WDR7: variants seen among roughly 807,000 people sequenced by gnomAD.
The protein encoded by WDR7 is WD repeat-containing protein 7.
In WDR7, 46 loss-of-function variants were observed where a neutral mutation model predicts 169.4. The observed-to-expected ratio is 0.27, with a 90% CI of 0.21 to 0.35. WDR7 has a LOEUF of 0.35. Among genes scored for constraint, WDR7 ranks in the 10% least tolerant of loss-of-function variants. The probability of loss-of-function intolerance (pLI) is 1.00; values close to 1 mark genes in which losing one functional copy is unlikely to be tolerated. For missense variants in WDR7, 1,534 were observed against 1,859.3 expected (o/e 0.83, Z 3.22); for synonymous variants, 612 against 666.8 (o/e 0.92, Z 1.27).
At chr18:56,764,552 C>A (rs952256263) in intron 16 of WDR7, among the ~76,000 whole-genome samples, 3 of 152,048 alleles carry the variant, frequency 2.0e-5, no homozygotes, top group Non-Finnish European at 4.4e-5. Context: ...GTGTTGAGAA[C>A]ACTTAAAATT....
At chr18:56,718,332 T>C (rs2026240229) in intron 13 of WDR7, among the ~76,000 whole-genome samples, 173 bp downstream of exon 13, 2 of 152,220 alleles carry the variant, frequency 1.3e-5, no homozygotes, top group African/African-American at 2.4e-5. Context: ...CAAATGTTTG[T>C]AGAATATTTC....
chr18:56,776,183 T>TAA (rs369267320), intron 16 of WDR7, among the ~76,000 whole-genome samples: 8 of 144,722 alleles, frequency 5.5e-5, no homozygotes, highest in African/African-American at 2.0e-4. Context: ...GTGAAATAAT[T>TAA]AAAAAAAAAA....
intron 13 of WDR7, among the ~76,000 whole-genome samples, chr18:56,726,046 T>G (rs2026444799): frequency 6.6e-6 from 1 of 152,236 alleles, no homozygotes; most frequent in Non-Finnish European, 1.5e-5. Flanking sequence ...CATGCTGTTT[T>G]GGTTACTGTA....
intron 21 of WDR7, among the ~76,000 whole-genome samples, chr18:56,886,320 C>G (rs1307960079): frequency 6.6e-6 from 1 of 152,172 alleles, no homozygotes; most frequent in Non-Finnish European, 1.5e-5. Context: ...TGAGGCCCTA[C>G]CTTTAGCTTC....
At chr18:56,795,006 C>T (rs2044559277) in intron 19 of WDR7, among the ~76,000 whole-genome samples, 1 of 152,162 alleles carries the variant, frequency 6.6e-6, no homozygotes, top group Non-Finnish European at 1.5e-5. Flanking sequence ...GAATACTTCT[C>T]TAAGGAGAAT....
At chr18:56,691,394 C>A (rs2025567004) in intron 8 of WDR7, 33 bp downstream of exon 8, 2 of 1,542,322 alleles carry the variant, frequency 1.3e-6, no homozygotes, top group African/African-American at 1.4e-5. Flanking sequence ...GGACAGTCAT[C>A]AAAAGTAAAA....
At chr18:56,974,176 A>G (rs2047531496) in intron 26 of WDR7, among the ~76,000 whole-genome samples, 1 of 151,996 alleles carries the variant, frequency 6.6e-6, no homozygotes, top group South Asian at 2.1e-4. Context: ...GTTATCTCAC[A>G]CCTAATTTCA....
chr18:56,900,099 TATATATATATAA>T (rs2046382779), intron 21 of WDR7, among the ~76,000 whole-genome samples: 2 of 148,156 alleles, frequency 1.3e-5, no homozygotes, highest in East Asian at 3.9e-4. Flanking sequence ...TATATATATA[TATATATATATAA>T]AATTGTTAAT....
At chr18:56,914,928 T>G (rs4300736) in intron 21 of WDR7, among the ~76,000 whole-genome samples, 18 of 152,336 alleles carry the variant, frequency 1.2e-4, no homozygotes, top group African/African-American at 4.1e-4. Flanking sequence ...GAAAAAAATG[T>G]GCTTTAAATC....
chr18:56,695,639 G>A (rs1176840893), intron 11 of WDR7, among the ~76,000 whole-genome samples: 2 of 151,296 alleles, frequency 1.3e-5, no homozygotes, highest in East Asian at 3.9e-4. Flanking sequence ...CTGAGTTCAA[G>A]CAGTTCTCCT....
chr18:57,015,482 T>A (rs2145925811), intron 26 of WDR7, among the ~76,000 whole-genome samples: 1 of 152,360 alleles, frequency 6.6e-6, no homozygotes, highest in Middle Eastern at 3.4e-3. Context: ...TCTTAACTTT[T>A]AAACTCTTTT....
intron 12 of WDR7, among the ~76,000 whole-genome samples, chr18:56,716,186 T>C (rs1401934761): frequency 6.6e-6 from 1 of 152,186 alleles, no homozygotes; most frequent in African/African-American, 2.4e-5. Flanking sequence ...CCCCTCAGTA[T>C]TTAATGTCTT....
At chr18:56,752,054 C>G (rs967261674) in intron 14 of WDR7, among the ~76,000 whole-genome samples, 2 of 152,060 alleles carry the variant, frequency 1.3e-5, no homozygotes, top group African/African-American at 4.8e-5. Context: ...CTCATTAAAG[C>G]CTTTAGACAA....
intron 26 of WDR7, among the ~76,000 whole-genome samples, chr18:57,014,890 G>A (rs1001446713): frequency 6.6e-6 from 1 of 151,822 alleles, no homozygotes; most frequent in African/African-American, 2.4e-5. Context: ...TAAAAGAGGG[G>A]GCAGGCTGCT....
Position 57,011,508 on chromosome 18 carries a change from A to G in WDR7, c.4165-9237A>G, listed in dbSNP as rs566716850. Among the ~76,000 whole-genome samples the G allele has an allele frequency of 2.0e-5, 3 of 152,342 alleles. No individual in the cohort carries two copies. In the East Asian group the frequency reaches 5.8e-4, roughly 29 times the overall value. Reference sequence around the variant, plus strand: ...TCAAGTCTACTTGTTTTTCCCTCTGAATATATATTCTTTTCAATTAGATGG... The same window carrying G: ...TCAAGTCTACTTGTTTTTCCCTCTGGATATATATTCTTTTCAATTAGATGG... On this transcript the variant is annotated intron_variant, in intron 26 of 27. Transcript: ENST00000254442.
intron 26 of WDR7, among the ~76,000 whole-genome samples, chr18:56,995,061 G>GA (rs199828359): frequency 1.1e-4 from 16 of 152,032 alleles, no homozygotes; most frequent in Admixed American, 1.3e-4. Flanking sequence ...GAATATGAGA[G>GA]AAAAAAAACT....
At chr18:57,010,412 T>A in intron 26 of WDR7, 1 of 421,440 alleles carries the variant, frequency 2.4e-6, no homozygotes, top group Non-Finnish European at 3.2e-6. Flanking sequence ...CATCTTTAAG[T>A]ATGGCTGTGT....
intron 14 of WDR7, among the ~76,000 whole-genome samples, chr18:56,739,547 C>T (rs1007587774): frequency 1.3e-5 from 2 of 152,014 alleles, no homozygotes; most frequent in African/African-American, 4.8e-5. Context: ...TTGTACTTTA[C>T]ATTTTTATGT....
chr18:56,968,280 A>G (rs2145792468), intron 26 of WDR7, among the ~76,000 whole-genome samples: 1 of 152,358 alleles, frequency 6.6e-6, no homozygotes, highest in Admixed American at 6.5e-5. Flanking sequence ...GCACAATGCA[A>G]TGCATGTTGT....
Sources: gnomAD v4.1 joint callset for allele counts (sites outside exome capture counted in the v4.1 genomes callset) on GRCh38, gnomAD v4.1.1 for gene constraint, MANE v1.5 for transcripts, NCBI Gene and HGNC (gene_info 2026-07-23, HGNC 2026-07-21) for gene names.